CCDC178: variants seen among roughly 807,000 people sequenced by gnomAD.
CCDC178 encodes the protein coiled-coil domain-containing protein 178.
A neutral mutation model predicts 117.4 loss-of-function variants in CCDC178; 126 were observed. The observed-to-expected ratio is 1.07, with a 90% CI of 0.93 to 1.24. The LOEUF (loss-of-function observed/expected upper bound fraction) is 1.24. CCDC178 is among the 50% of genes most tolerant of loss of function. The pLI is 0.00. For missense variants in CCDC178, 1,030 were observed against 986.9 expected, an observed-to-expected ratio of 1.04 and a Z score of -0.59; for synonymous variants, 283 against 313.4, an observed-to-expected ratio of 0.90 and a Z score of 1.02.
chr18:33,336,842 T>C (rs2062746789), intron 9 of CCDC178, among the ~76,000 whole-genome samples: 1 of 151,198 alleles, frequency 6.6e-6, no homozygotes, highest in African/African-American at 2.4e-5. Flanking sequence ...GCCTCCAGAT[T>C]TGTTCTTTTT....
At chr18:33,287,560 C>T (rs1367998119) in intron 12 of CCDC178, among the ~76,000 whole-genome samples, 1 of 152,082 alleles carries the variant, frequency 6.6e-6, no homozygotes, top group Non-Finnish European at 1.5e-5. Context: ...GGGTGGATCA[C>T]CTGAGGTCAG....
intron 21 of CCDC178, among the ~76,000 whole-genome samples, chr18:33,049,875 A>G (rs2056714548): frequency 6.6e-6 from 1 of 151,220 alleles, no homozygotes; most frequent in Non-Finnish European, 1.5e-5. Flanking sequence ...TGAGGTAAGG[A>G]GTTCGAGACC....
At chr18:33,206,593 AT>A (rs1205207496) in intron 20 of CCDC178, among the ~76,000 whole-genome samples, 3 of 152,098 alleles carry the variant, frequency 2.0e-5, no homozygotes, top group Non-Finnish European at 4.4e-5. Context: ...TCTTGTTAAA[AT>A]AATTTTTTTC....
chr18:33,234,910 T>C (rs2059410128), intron 15 of CCDC178, among the ~76,000 whole-genome samples: 1 of 152,168 alleles, frequency 6.6e-6, no homozygotes, highest in Non-Finnish European at 1.5e-5. Context: ...TTAAAAATAT[T>C]ATCAGTCTTA....
At chr18:33,171,731 T>C (rs143425247) in intron 20 of CCDC178, among the ~76,000 whole-genome samples, 7 of 152,282 alleles carry the variant, frequency 4.6e-5, no homozygotes, top group Non-Finnish European at 1.0e-4. Context: ...TGTCTCTGCA[T>C]AGAGAGGAGC....
chr18:33,210,774 A>G (rs1035585150), intron 20 of CCDC178, among the ~76,000 whole-genome samples: 14 of 152,082 alleles, frequency 9.2e-5, no homozygotes, highest in Non-Finnish European at 1.5e-4. Context: ...GGCATCACGT[A>G]TTGCCACTAG....
At chr18:33,343,651 G>A (rs1381360130) in intron 9 of CCDC178, among the ~76,000 whole-genome samples, 3 of 152,114 alleles carry the variant, frequency 2.0e-5, no homozygotes, top group Non-Finnish European at 4.4e-5. Context: ...TCAGCCTCCT[G>A]GCCCACAAAA....
intron 10 of CCDC178, chr18:33,328,081 A>AGT (rs778668133): frequency 4.3e-6 from 1 of 233,598 alleles, no homozygotes; most frequent in African/African-American, 6.0e-5. Flanking sequence ...ATTTATCCCT[A>AGT]GATTTTTTTT....
chr18:33,376,879 T>C (rs1008175872), intron 5 of CCDC178, among the ~76,000 whole-genome samples: 5 of 152,250 alleles, frequency 3.3e-5, no homozygotes, highest in African/African-American at 1.2e-4. Flanking sequence ...TGATTCTATG[T>C]CTTTGCTATT....
intron 11 of CCDC178, among the ~76,000 whole-genome samples, chr18:33,317,941 T>G (rs2062442935): frequency 6.6e-6 from 1 of 152,100 alleles, no homozygotes; most frequent in African/African-American, 2.4e-5. Flanking sequence ...ATTTCCATGC[T>G]AAATGGAATG....
In CCDC178 at chr18:33,323,530, T is replaced by G. The variant is rs1379815681; in HGVS notation, c.983A>C (p.Lys328Thr). 3.8e-6 allele frequency: 6 copies of G among 1,567,078 alleles called. No homozygotes were observed. In the Admixed American group the frequency reaches 7.4e-5, roughly 19 times the overall value. The change falls in exon 11 of 23, where the codon AAG (lysine) becomes ACG (threonine). Residue 328 changes from lysine to threonine, a missense_variant. By Grantham distance (78) the Lys-to-Thr change is moderately conservative (BLOSUM62 -1). Coordinates refer to ENST00000383096, the MANE Select transcript of CCDC178 (RefSeq NM_001105528.4). ...KAQQIKEEID[K>T]DIYQDEKTIE... ...GGTTTTTTCATCCTGGTAAATATCC[T>G]TATCAATCTCTTCTTTAATTTGCTG...
intron 20 of CCDC178, among the ~76,000 whole-genome samples, chr18:33,185,273 A>G (rs1015013216): frequency 7.9e-5 from 12 of 152,018 alleles, no homozygotes; most frequent in African/African-American, 2.7e-4. Context: ...GAAAACCCCA[A>G]TTTCTTCCAG....
At chr18:33,124,595 T>A (rs1299399641) in intron 20 of CCDC178, among the ~76,000 whole-genome samples, 3 of 152,220 alleles carry the variant, frequency 2.0e-5, no homozygotes, top group Admixed American at 1.3e-4. Context: ...CCCTTTTTAA[T>A]CTCTACTTTC....
intron 21 of CCDC178, among the ~76,000 whole-genome samples, chr18:33,039,810 A>T (rs2056513764): frequency 6.6e-6 from 1 of 152,026 alleles, no homozygotes; most frequent in South Asian, 2.1e-4. Context: ...TTAGGCACTA[A>T]GTATTTAAAT....
At chr18:32,997,517 G>C (rs1281324349) in intron 21 of CCDC178, among the ~76,000 whole-genome samples, 1 of 152,008 alleles carries the variant, frequency 6.6e-6, no homozygotes, top group East Asian at 1.9e-4. Context: ...GAAGATTTTG[G>C]ATTTGCCAGC....
chr18:33,405,191 TAAA>T (rs2063763768), intron 3 of CCDC178, among the ~76,000 whole-genome samples: 1 of 151,900 alleles, frequency 6.6e-6, no homozygotes. Flanking sequence ...TAAATTATGA[TAAA>T]GAAGACTGAG....
chr18:33,100,878 T>C (rs1408173844), intron 20 of CCDC178, among the ~76,000 whole-genome samples: 1 of 151,930 alleles, frequency 6.6e-6, no homozygotes, highest in Non-Finnish European at 1.5e-5. Flanking sequence ...TTCAAATAAT[T>C]TGATATAACT....
chr18:32,939,329 A>C lies in CCDC178; in HGVS notation c.2524-1238T>G, dbSNP rs547795984. ...AGGAATAGGAACATAACTGAAAAAA[A>C]AAAGATTTTAAATAAGAGATAAGAA... On this transcript the variant is annotated intron_variant, in intron 22 of 22. Coordinates refer to ENST00000383096, the MANE Select transcript of CCDC178 (RefSeq NM_001105528.4). Among the ~76,000 whole-genome samples, 8 of 152,232 alleles carry C rather than the reference A, an allele frequency of 5.3e-5. No individual in the cohort carries two copies. In the East Asian group the frequency reaches 1.5e-3, roughly 29 times the overall value.
chr18:33,356,080 CTGACTGA>C (rs2063052702), intron 7 of CCDC178, among the ~76,000 whole-genome samples: 1 of 152,104 alleles, frequency 6.6e-6, no homozygotes, highest in African/African-American at 2.4e-5. Context: ...AAAGTCGATT[CTGACTGA>C]TGTTTTTGCA....
Sources: gnomAD v4.1 joint callset for allele counts (sites outside exome capture counted in the v4.1 genomes callset) on GRCh38, gnomAD v4.1.1 for gene constraint, MANE v1.5 for transcripts, NCBI Gene and HGNC (gene_info 2026-07-23, HGNC 2026-07-21) for gene names.